Variants in ST6GALNAC5 observed in about 807,000 individuals in gnomAD.
The protein encoded by ST6GALNAC5 is ST6 N-acetylgalactosaminide alpha-2,6-sialyltransferase 5.
In ST6GALNAC5, 27 loss-of-function variants were observed where a neutral mutation model predicts 33.6. The ratio of observed to expected loss-of-function variants is 0.80; its 90% CI spans 0.59 to 1.11. The LOEUF (loss-of-function observed/expected upper bound fraction) is 1.11. Ranked by LOEUF, ST6GALNAC5 falls within the 50% of genes least tolerant of loss-of-function variation. ST6GALNAC5 has a pLI of 0.00. For synonymous variants in ST6GALNAC5, 194 were observed against 171.2 expected, an observed-to-expected ratio of 1.13 and a Z score of -1.04; for missense variants, 428 against 454.0, an observed-to-expected ratio of 0.94 and a Z score of 0.52.
chr1:76,944,512 A>G (rs575103912), intron 2 of ST6GALNAC5, among the ~76,000 whole-genome samples: 2 of 152,172 alleles, frequency 1.3e-5, no homozygotes, highest in South Asian at 4.2e-4. Context: ...TTCTCCCCCA[A>G]CAAGTATGTA....
At chr1:76,896,668 C>A (rs905518589) in intron 2 of ST6GALNAC5, among the ~76,000 whole-genome samples, 4 of 151,982 alleles carry the variant, frequency 2.6e-5, no homozygotes, top group Non-Finnish European at 4.4e-5. Context: ...GATTGAAGTC[C>A]GGGCCAGGAA....
chr1:76,939,418 C>G (rs936398561), intron 2 of ST6GALNAC5, among the ~76,000 whole-genome samples: 1 of 152,068 alleles, frequency 6.6e-6, no homozygotes, highest in Non-Finnish European at 1.5e-5. Flanking sequence ...TCAGGACCCA[C>G]TGTCGATGGA....
intron 2 of ST6GALNAC5, among the ~76,000 whole-genome samples, chr1:76,902,275 C>T (rs1646824866): frequency 6.6e-6 from 1 of 151,920 alleles, no homozygotes; most frequent in Non-Finnish European, 1.5e-5. Flanking sequence ...ACAATAGCAT[C>T]TAAAAGAATA....
At chr1:76,990,955 T>C (rs1441493246) in intron 2 of ST6GALNAC5, among the ~76,000 whole-genome samples, 1 of 152,120 alleles carries the variant, frequency 6.6e-6, no homozygotes, top group Non-Finnish European at 1.5e-5. Context: ...TAGCTAGGGC[T>C]TCTGGAAAGG....
At chr1:77,047,325 T>G (rs1652052272) in intron 3 of ST6GALNAC5, among the ~76,000 whole-genome samples, 1 of 152,226 alleles carries the variant, frequency 6.6e-6, no homozygotes, top group Non-Finnish European at 1.5e-5. Context: ...ACAAAACTAT[T>G]TCTGTAAATT....
At chr1:77,004,317 T>C (rs1157917528) in intron 2 of ST6GALNAC5, among the ~76,000 whole-genome samples, 3 of 149,414 alleles carry the variant, frequency 2.0e-5, no homozygotes, top group African/African-American at 7.3e-5. Flanking sequence ...TTCACGTAGT[T>C]CTCGAGCCTT....
At chr1:76,961,589 C>A (rs1467269432) in intron 2 of ST6GALNAC5, among the ~76,000 whole-genome samples, 1 of 152,186 alleles carries the variant, frequency 6.6e-6, no homozygotes, top group Non-Finnish European at 1.5e-5. Context: ...CAGCCCCTGG[C>A]CTCATTTCAG....
In ST6GALNAC5 at chr1:77,063,373, T is replaced by C. The variant is rs540804399; in HGVS notation, c.*167T>C. ...GGGTGACAAAGCAGTGCAGTTGGAT[T>C]GTAAGGAAAAATTCCGGAATTAATG... On this transcript the variant is annotated 3_prime_UTR_variant, in exon 5 of 5. Transcript: ENST00000477717. 33 of 631,276 alleles carry C rather than the reference T, an allele frequency of 5.2e-5. No individual in the cohort carries two copies. The highest frequency in any genetic ancestry group is 9.1e-5 in the Non-Finnish European group (33 of 364,404). The allele number at this position is 631,276 out of a possible 1,614,324, so 39.1% of individuals were successfully genotyped here. A position where few individuals can be genotyped will look rare whatever the true frequency, so the allele number is the denominator to read the frequency against.
intron 2 of ST6GALNAC5, among the ~76,000 whole-genome samples, chr1:76,896,906 G>C (rs578055728): frequency 2.0e-5 from 3 of 152,178 alleles, no homozygotes; most frequent in Admixed American, 6.5e-5. Flanking sequence ...AAGTTGTTTG[G>C]ACAGAAAGGC....
chr1:76,961,659 C>G (rs1193343530), intron 2 of ST6GALNAC5, among the ~76,000 whole-genome samples: 3 of 152,180 alleles, frequency 2.0e-5, no homozygotes, highest in African/African-American at 7.2e-5. Context: ...CGTTCCCACT[C>G]CCTTGAATGC....
intron 2 of ST6GALNAC5, among the ~76,000 whole-genome samples, chr1:77,022,933 C>T (rs1651108050): frequency 1.3e-5 from 2 of 152,278 alleles, no homozygotes; most frequent in Admixed American, 6.5e-5. Flanking sequence ...CGTGGAAGTC[C>T]TAATTCCCAT....
At chr1:76,944,104 A>T (rs777086187) in intron 2 of ST6GALNAC5, among the ~76,000 whole-genome samples, 3 of 152,082 alleles carry the variant, frequency 2.0e-5, no homozygotes, top group African/African-American at 7.2e-5. Context: ...AGGTTGCCCA[A>T]TGCAATAGTT....
chr1:76,873,490 A>G (rs1260859688), intron 2 of ST6GALNAC5, among the ~76,000 whole-genome samples: 1 of 152,246 alleles, frequency 6.6e-6, no homozygotes, highest in African/African-American at 2.4e-5. Flanking sequence ...GTACACAATA[A>G]GTATGTATGG....
At chr1:76,942,221 A>G (rs943152641) in intron 2 of ST6GALNAC5, among the ~76,000 whole-genome samples, 1 of 152,172 alleles carries the variant, frequency 6.6e-6, no homozygotes, top group African/African-American at 2.4e-5. Flanking sequence ...AACCTGTAAC[A>G]TAAGAACAAC....
intron 2 of ST6GALNAC5, among the ~76,000 whole-genome samples, chr1:77,012,317 T>A (rs1035777208): frequency 4.6e-5 from 7 of 152,204 alleles, no homozygotes; most frequent in African/African-American, 1.2e-4. Flanking sequence ...AAATAGACTT[T>A]GCAGAACCCC....
At chr1:76,890,399 T>G (rs1653989372) in intron 2 of ST6GALNAC5, among the ~76,000 whole-genome samples, 1 of 152,156 alleles carries the variant, frequency 6.6e-6, no homozygotes. Context: ...TTTTCAGGTC[T>G]TCCCTCATTG....
chr1:77,015,050 A>AC (rs1650773952), intron 2 of ST6GALNAC5, among the ~76,000 whole-genome samples: 2 of 122,504 alleles, frequency 1.6e-5, no homozygotes, highest in Admixed American at 7.8e-5. Flanking sequence ...CTCGCACACA[A>AC]ACACACACAC....
intron 2 of ST6GALNAC5, among the ~76,000 whole-genome samples, chr1:77,010,450 G>A (rs1403248778): frequency 2.6e-5 from 4 of 152,142 alleles, no homozygotes; most frequent in South Asian, 2.1e-4. Context: ...AACCAAGATC[G>A]TGCCACTGCA....
At chr1:76,939,873 C>T (rs562016185) in intron 2 of ST6GALNAC5, among the ~76,000 whole-genome samples, 30 of 152,224 alleles carry the variant, frequency 2.0e-4, no homozygotes, top group African/African-American at 6.5e-4. Flanking sequence ...GTCACAATGG[C>T]TGCCTCCTAG....
Sources: allele counts gnomAD v4.1 joint callset (sites outside exome capture counted in the v4.1 genomes callset), GRCh38; gene constraint gnomAD v4.1.1; transcripts MANE v1.5; gene names NCBI Gene and HGNC (gene_info 2026-07-23, HGNC 2026-07-21).